The following STPG2 variants were observed in gnomAD, a reference collection of about 807,000 sequenced individuals.
STPG2 encodes sperm-tail PG-rich repeat-containing protein 2.
In STPG2, 56 loss-of-function variants were observed where a neutral mutation model predicts 54.2. The ratio of observed to expected loss-of-function variants is 1.03; its 90% CI spans 0.83 to 1.29. The LOEUF is 1.29. Ranked by LOEUF, STPG2 falls within the 50% of genes most tolerant of loss-of-function variation. STPG2 has a pLI of 0.00. For synonymous variants in STPG2, 200 were observed against 181.8 expected, an observed-to-expected ratio of 1.10 and a Z score of -0.81; for missense variants, 596 against 544.9, an observed-to-expected ratio of 1.09 and a Z score of -0.93.
At chr4:97,868,122 A>G (rs1729858481) in intron 8 of STPG2, among the ~76,000 whole-genome samples, 1 of 151,898 alleles carries the variant, frequency 6.6e-6, no homozygotes, top group Non-Finnish European at 1.5e-5. Flanking sequence ...ATTTGTCTTC[A>G]ATTTCCCTGT....
At chr4:97,736,257 G>C (rs1724986019) in intron 9 of STPG2, among the ~76,000 whole-genome samples, 1 of 152,238 alleles carries the variant, frequency 6.6e-6, no homozygotes, top group Non-Finnish European at 1.5e-5. Context: ...AACAGCTCCA[G>C]TCTACAGCTA....
intron 8 of STPG2, among the ~76,000 whole-genome samples, chr4:97,851,831 GA>G (rs543677048): frequency 8.5e-5 from 13 of 152,048 alleles, no homozygotes; most frequent in Middle Eastern, 3.4e-3. Context: ...TAGTTTTATA[GA>G]AAAAAATGTG....
At position 97,547,499 on chromosome 4, in the gene STPG2, C is replaced by T. The variant is rs574966640; in HGVS notation, c.462+165200G>A. On this transcript the variant is annotated intron_variant, in intron 4 of 4. Transcript: ENST00000522676. The stretch of plus-strand genomic sequence containing the variant: ...TGCTGGGATTACAGGCGTGAGCCAC[C>T]GCGCCCGGCCTTTTAAATGGCTTTA... Among the ~76,000 whole-genome samples, 10 of 152,260 alleles carry T rather than the reference C, an allele frequency of 6.6e-5. No homozygotes were observed. The South Asian group carries it at 1.0e-3, about 16-fold the overall frequency.
intron 4 of STPG2, among the ~76,000 whole-genome samples, chr4:97,503,005 T>C (rs1578347425): frequency 6.6e-6 from 1 of 152,088 alleles, no homozygotes; most frequent in African/African-American, 2.4e-5. Flanking sequence ...ATCTTGTTTT[T>C]ATTTATAAAG....
intron 8 of STPG2, among the ~76,000 whole-genome samples, chr4:97,922,261 A>G (rs1732139515): frequency 6.6e-6 from 1 of 150,580 alleles, no homozygotes; most frequent in Non-Finnish European, 1.5e-5. Flanking sequence ...ATTGTATGTC[A>G]TATATATATA....
intron 10 of STPG2, among the ~76,000 whole-genome samples, chr4:97,666,246 C>T (rs978827156): frequency 6.6e-6 from 1 of 152,144 alleles, no homozygotes; most frequent in African/African-American, 2.4e-5. Flanking sequence ...ATGAACCATG[C>T]AGCCCCTGCT....
intron 10 of STPG2, among the ~76,000 whole-genome samples, chr4:97,626,232 CATA>C (rs1465097739): frequency 2.6e-5 from 4 of 152,076 alleles, no homozygotes; most frequent in African/African-American, 9.7e-5. Flanking sequence ...CCAGATATAC[CATA>C]ATGACCCTGG....
intron 8 of STPG2, among the ~76,000 whole-genome samples, chr4:97,902,647 C>T (rs747955164): frequency 1.1e-4 from 16 of 151,852 alleles, no homozygotes; most frequent in East Asian, 1.9e-4. Flanking sequence ...CAAAGGTAAC[C>T]GGTGTAGCTG....
intron 8 of STPG2, among the ~76,000 whole-genome samples, chr4:97,855,873 T>C (rs1322587953): frequency 6.6e-6 from 1 of 152,220 alleles, no homozygotes; most frequent in Non-Finnish European, 1.5e-5. Flanking sequence ...CTGTTTCAAT[T>C]TGCAGCATAT....
chr4:97,622,023 C>G (rs772418756), intron 10 of STPG2, among the ~76,000 whole-genome samples: 1 of 152,006 alleles, frequency 6.6e-6, no homozygotes, highest in Non-Finnish European at 1.5e-5. Flanking sequence ...TTTAAAAGAC[C>G]ACATGATTAT....
rs531826254 is a variant in STPG2, at chr4:97,716,703, G to C, written c.1205-3889C>G. ...ATCACACACTGGAGGCTGTGGGGGT[G>C]GGGGGTGGAAGGCTAGGGGAGGGAT... On this transcript the variant is annotated intron_variant, in intron 9 of 10. Transcript: ENST00000295268. 1.6e-3 allele frequency among the ~76,000 whole-genome samples: 238 copies of C among 151,578 alleles called. 2 individuals carry two copies. The highest frequency in any genetic ancestry group is 5.4e-3 in the African/African-American group (223 of 41,296).
rs144068891 is a variant in STPG2 at position 97,505,185 on chromosome 4, T to G, written c.462+207514A>C. On this transcript the variant is annotated intron_variant, in intron 4 of 4. Transcript: ENST00000522676. ...CCTCTAAGATATGTGAAGGAGCTAA[T>G]GCTTTCATTTTTTTCTTTTGTCTTT... is the stretch of plus-strand genomic sequence containing the variant. 4.2e-3 allele frequency among the ~76,000 whole-genome samples: 635 copies of G among 152,106 alleles called. 2 individuals carry two copies. Among genetic ancestry groups the G allele is most frequent in the Non-Finnish European group, 6.6e-3 (451 of 67,946 alleles).
intron 10 of STPG2, among the ~76,000 whole-genome samples, chr4:97,689,738 T>A: frequency 6.6e-6 from 1 of 152,148 alleles, no homozygotes; most frequent in East Asian, 1.9e-4. Context: ...TAGTTTTTAA[T>A]CATTTAATAC....
At chr4:97,869,791 T>C (rs986056364) in intron 8 of STPG2, among the ~76,000 whole-genome samples, 5 of 151,624 alleles carry the variant, frequency 3.3e-5, no homozygotes, top group Non-Finnish European at 7.4e-5. Flanking sequence ...CCTGAGAGTA[T>C]TTCAGATAAT....
chr4:97,875,147 G>T (rs1195826690), intron 8 of STPG2, among the ~76,000 whole-genome samples: 1 of 151,930 alleles, frequency 6.6e-6, no homozygotes, highest in Non-Finnish European at 1.5e-5. Context: ...TAATAAGACT[G>T]CCATAAACGT....
intron 10 of STPG2, among the ~76,000 whole-genome samples, chr4:97,664,629 C>T (rs1414281485): frequency 6.6e-6 from 1 of 152,096 alleles, no homozygotes; most frequent in African/African-American, 2.4e-5. Context: ...AAGAAGTTTC[C>T]TTGTGAGGTA....
At chr4:97,564,053 A>T (rs1156419031) in intron 10 of STPG2, among the ~76,000 whole-genome samples, 1 of 152,058 alleles carries the variant, frequency 6.6e-6, no homozygotes, top group Non-Finnish European at 1.5e-5. Flanking sequence ...TCCCATTATT[A>T]TTGTGTGAGA....
intron 4 of STPG2, among the ~76,000 whole-genome samples, chr4:97,454,617 A>G (rs1430954605): frequency 1.3e-5 from 2 of 151,474 alleles, no homozygotes; most frequent in Non-Finnish European, 2.9e-5. Context: ...GTAAAAATAA[A>G]TATATAGCAT....
At chr4:97,753,781 GTGT>G (rs1318412681) in intron 9 of STPG2, among the ~76,000 whole-genome samples, 4 of 151,922 alleles carry the variant, frequency 2.6e-5, no homozygotes, top group Non-Finnish European at 1.5e-5. Context: ...GTCTTTTCAT[GTGT>G]TTGTTAACCA....
Sources: gnomAD v4.1 joint callset for allele counts (sites outside exome capture counted in the v4.1 genomes callset) on GRCh38, gnomAD v4.1.1 for gene constraint, MANE v1.5 for transcripts, NCBI Gene and HGNC (gene_info 2026-07-23, HGNC 2026-07-21) for gene names.